PLXNC1: variants seen among roughly 807,000 people sequenced by gnomAD.
The protein encoded by PLXNC1 is plexin-C1.
In PLXNC1, 75 loss-of-function variants were observed where a neutral mutation model predicts 178.2. That is an observed-to-expected ratio of 0.42 (90% CI 0.35 to 0.51). The LOEUF is 0.51. Among genes scored for constraint, PLXNC1 ranks in the 20% least tolerant of loss-of-function variants. PLXNC1 has a pLI of 0.02. For synonymous variants in PLXNC1, 790 were observed against 779.9 expected, an observed-to-expected ratio of 1.01 and a Z score of -0.22; for missense variants, 1,503 against 1,984.4, an observed-to-expected ratio of 0.76 and a Z score of 4.61.
chr12:94,155,018 T>C (rs2135919993), intron 1 of PLXNC1, among the ~76,000 whole-genome samples: 1 of 152,298 alleles, frequency 6.6e-6, no homozygotes, highest in South Asian at 2.1e-4. Context: ...CCTTAATCAT[T>C]GTCTTTTTCT....
chr12:94,237,066 G>A (rs1483365521), intron 9 of PLXNC1, among the ~76,000 whole-genome samples: 1 of 152,192 alleles, frequency 6.6e-6, no homozygotes, highest in Non-Finnish European at 1.5e-5. Flanking sequence ...CAAGAAGGAG[G>A]TTGTGGTATC....
At chr12:94,244,374 T>G (rs1964472214) in intron 12 of PLXNC1, among the ~76,000 whole-genome samples, 1 of 152,240 alleles carries the variant, frequency 6.6e-6, no homozygotes, top group South Asian at 2.1e-4. Flanking sequence ...GAATTGCATT[T>G]CTGTGAAGAG....
At chr12:94,154,419 G>A (rs1190329678) in intron 1 of PLXNC1, among the ~76,000 whole-genome samples, 1 of 152,106 alleles carries the variant, frequency 6.6e-6, no homozygotes, top group Non-Finnish European at 1.5e-5. Flanking sequence ...CAAAGCACAC[G>A]GCATTTTCTA....
At chr12:94,171,739 AG>A (rs1961853193) in intron 2 of PLXNC1, among the ~76,000 whole-genome samples, 1 of 152,194 alleles carries the variant, frequency 6.6e-6, no homozygotes, top group African/African-American at 2.4e-5. Flanking sequence ...CTAGAGGCTC[AG>A]GAAAGAGTCC....
At chr12:94,222,583 T>C (rs1212521900) in intron 6 of PLXNC1, among the ~76,000 whole-genome samples, 1 of 152,238 alleles carries the variant, frequency 6.6e-6, no homozygotes, top group Non-Finnish European at 1.5e-5. Context: ...CATATGGTTG[T>C]TTCCTTGACT....
chr12:94,222,852 A>G (rs1963834793), intron 6 of PLXNC1, among the ~76,000 whole-genome samples: 1 of 152,172 alleles, frequency 6.6e-6, no homozygotes, highest in African/African-American at 2.4e-5. Flanking sequence ...GTGTCTGTTC[A>G]GAGGCTTTTG....
At chr12:94,239,800 A>G (rs538665790) in intron 10 of PLXNC1, among the ~76,000 whole-genome samples, 248 of 152,332 alleles carry the variant, frequency 1.6e-3, no homozygotes, top group African/African-American at 5.7e-3. Flanking sequence ...GTTGGCCCCA[A>G]TGCTGATTGA....
At chr12:94,275,680 C>T (rs1015172800) in intron 21 of PLXNC1, among the ~76,000 whole-genome samples, 1 of 108,560 alleles carries the variant, frequency 9.2e-6, no homozygotes, top group African/African-American at 3.8e-5. Context: ...GGTGAAACCC[C>T]GTCTCTACTA....
chr12:94,177,432 C>T (rs549868347), intron 2 of PLXNC1, among the ~76,000 whole-genome samples: 1 of 146,258 alleles, frequency 6.8e-6, no homozygotes, highest in African/African-American at 2.5e-5. Flanking sequence ...GTAGCTTTTT[C>T]AGGAAACTGA....
chr12:94,155,374 G>A (rs1961128349), intron 1 of PLXNC1, among the ~76,000 whole-genome samples: 1 of 152,188 alleles, frequency 6.6e-6, no homozygotes, highest in South Asian at 2.1e-4. Flanking sequence ...CTGGAGGTTG[G>A]GGTGGGACTG....
intron 21 of PLXNC1, among the ~76,000 whole-genome samples, chr12:94,269,641 C>T (rs187090582): frequency 2.0e-5 from 3 of 152,234 alleles, no homozygotes; most frequent in African/African-American, 7.2e-5. Context: ...AATTACATTC[C>T]ATTGTTCATT....
chr12:94,291,915 C>T (rs769615268), intron 23 of PLXNC1, among the ~76,000 whole-genome samples: 31 of 152,176 alleles, frequency 2.0e-4, no homozygotes, highest in Admixed American at 1.3e-3. Flanking sequence ...GACCCATCCC[C>T]GCTTTTGGAG....
rs71703027 is a variant in PLXNC1 at position 94,181,386 on chromosome 12, CAA to C, written c.1204-47_1204-46del. ...CTGGCGACAGAGCGAGATTCCGTCT[CAA>C]AAAAAAAAAAAAGTATTAAATAGAA... On this transcript the variant is annotated intron_variant, in intron 2 of 30. Transcript: ENST00000258526. 9,158 of 952,190 alleles carry C rather than the reference CAA, an allele frequency of 9.6e-3. 13 individuals are homozygous for C. Among genetic ancestry groups the C allele is most frequent in the African/African-American group, 0.03 (1,552 of 51,558 alleles). The allele number at this position is 952,190 out of a possible 1,614,324, so 59.0% of individuals were successfully genotyped here. A position where few individuals can be genotyped will look rare whatever the true frequency, so the allele number is the denominator to read the frequency against.
intron 2 of PLXNC1, among the ~76,000 whole-genome samples, chr12:94,170,103 T>C (rs1961783674): frequency 6.6e-6 from 1 of 152,232 alleles, no homozygotes; most frequent in African/African-American, 2.4e-5. Flanking sequence ...CCTTGGCTTC[T>C]CTGCAGCCAT....
chr12:94,263,138 A>G (rs1427392362), intron 20 of PLXNC1, among the ~76,000 whole-genome samples: 2 of 152,160 alleles, frequency 1.3e-5, no homozygotes, highest in African/African-American at 2.4e-5. Context: ...GTGGTGACAG[A>G]GAAACCTCAT....
chr12:94,159,390 G>C lies in PLXNC1; in HGVS notation c.1062+9357G>C, dbSNP rs573778518. On this transcript the variant is annotated intron_variant, in intron 1 of 30. Coordinates refer to ENST00000258526, the MANE Select transcript of PLXNC1 (RefSeq NM_005761.3). ...GGCATTTGGGGGTTGCAGGTGTTGGGGTAAGTTCTCTTTAAGGAGGCCGAA... is the reference window on the plus strand; with the variant it reads ...GGCATTTGGGGGTTGCAGGTGTTGGCGTAAGTTCTCTTTAAGGAGGCCGAA... Among the ~76,000 whole-genome samples, 25 of 152,280 alleles carry C rather than the reference G, an allele frequency of 1.6e-4. No individual in the cohort carries two copies. In the South Asian group the frequency reaches 5.2e-3, roughly 32 times the overall value.
intron 4 of PLXNC1, 189 bp downstream of exon 4, chr12:94,186,662 T>G (rs1388176121): frequency 2.1e-5 from 11 of 512,094 alleles, no homozygotes; most frequent in Non-Finnish European, 4.0e-5. Flanking sequence ...TGCTATGCAA[T>G]CACTGGACCC....
intron 12 of PLXNC1, among the ~76,000 whole-genome samples, chr12:94,245,198 T>C (rs1278840950): frequency 6.6e-6 from 1 of 152,254 alleles, no homozygotes; most frequent in Non-Finnish European, 1.5e-5. Context: ...TCGTATAGTT[T>C]GACCCTCTGA....
At chr12:94,247,092 G>T (rs869046) in intron 12 of PLXNC1, among the ~76,000 whole-genome samples, 51,301 of 151,152 alleles carry the variant, frequency 0.34, 10,256 homozygotes, top group South Asian at 0.45. Flanking sequence ...TATATATATA[G>T]AGAGAGACAG....
Sources: allele counts gnomAD v4.1 joint callset (sites outside exome capture counted in the v4.1 genomes callset), GRCh38; gene constraint gnomAD v4.1.1; transcripts MANE v1.5; gene names NCBI Gene and HGNC (gene_info 2026-07-23, HGNC 2026-07-21).